Variants in GPLD1 observed in about 807,000 individuals in gnomAD.
GPLD1 encodes phosphatidylinositol-glycan-specific phospholipase D.
Under a neutral mutation model 112.6 loss-of-function variants are expected in GPLD1, and 84 were observed. The observed-to-expected ratio is 0.75, with a 90% confidence interval of 0.63 to 0.89. GPLD1 has a LOEUF of 0.89. Among genes scored for constraint, GPLD1 ranks in the 40% least tolerant of loss-of-function variants. GPLD1 has a pLI of 0.00. For missense variants in GPLD1, 1,044 were observed against 1,051.5 expected (o/e 0.99, Z 0.10); for synonymous variants, 386 against 403.8 (o/e 0.96, Z 0.53).
At chr6:24,445,685 T>C (rs775594757) in intron 19 of GPLD1, 41 bp downstream of exon 19, 132 of 1,600,512 alleles carry the variant, frequency 8.2e-5, no homozygotes, top group Non-Finnish European at 1.1e-4. Flanking sequence ...GAAAACTTCC[T>C]TGGAGTGTCC....
chr6:24,438,453 C>G (rs1762646812), intron 20 of GPLD1, among the ~76,000 whole-genome samples: 1 of 152,198 alleles, frequency 6.6e-6, no homozygotes, highest in Non-Finnish European at 1.5e-5. Context: ...AATCTCACGT[C>G]AGCGTCCACT....
Position 24,433,375 on chromosome 6 carries a change from C to T in GPLD1, c.2373G>A (p.Leu791=), listed in dbSNP as rs1319238731. 1 of 1,605,942 alleles carries T rather than the reference C, an allele frequency of 6.2e-7. No homozygotes were observed. The highest frequency in any genetic ancestry group is 8.5e-7 in the Non-Finnish European group (1 of 1,174,182). Residue 791 remains leucine, a synonymous_variant, in exon 23 of 25, where the codon TTG becomes TTA. Transcript: ENST00000230036. The part of the protein sequence containing the change: ...PCPEEKAQYV[L]ISPEASSRFG... The stretch of plus-strand genomic sequence containing the variant: ...AAGGGATACTTACTTCAGGAGAAAT[C>T]AATACATATTGGGCCTGAAGAAAAA...
chr6:24,438,506 G>A (rs6922631), intron 20 of GPLD1, among the ~76,000 whole-genome samples: 33,195 of 152,026 alleles, frequency 0.22, 3,840 homozygotes, highest in Non-Finnish European at 0.25. Context: ...CTGTTTTTTC[G>A]GACAAACTTG....
intron 24 of GPLD1, among the ~76,000 whole-genome samples, chr6:24,430,555 G>A (rs186809209): frequency 4.4e-4 from 67 of 152,214 alleles, no homozygotes; most frequent in African/African-American, 1.5e-3. Flanking sequence ...GCTGATGGAA[G>A]GCAGCCCCAT....
chr6:24,425,982 G>A lies in GPLD1; in HGVS notation c.*3050C>T, dbSNP rs772265508. 1.3e-5 allele frequency: 2 copies of A among 152,190 alleles called. No homozygotes were observed. Among genetic ancestry groups the A allele is most frequent in the Non-Finnish European group, 2.9e-5 (2 of 68,036 alleles). The allele number at this position is 152,190 out of a possible 1,614,324, so 9.4% of individuals were successfully genotyped here. ...AGAGGTGAGCTAATGGATGGTACAT[G>A]GAGTAGGGACTGCAGAGACCCTAGT... On this transcript the variant is annotated 3_prime_UTR_variant, in exon 25 of 25. Coordinates refer to ENST00000230036, the MANE Select transcript of GPLD1 (RefSeq NM_001503.4).
intron 24 of GPLD1, 130 bp from the exon 25 acceptor site, chr6:24,429,248 G>A: frequency 1.9e-6 from 1 of 523,258 alleles, no homozygotes; most frequent in South Asian, 3.8e-5. Context: ...CCCCTGGCTT[G>A]AACTCAAATG....
chr6:24,425,660 A>G (rs967998995), downstream of GPLD1: 4 of 152,354 alleles, frequency 2.6e-5, no homozygotes, highest in East Asian at 5.8e-4. Context: ...GAAAGTAGGT[A>G]CCAAACACTG....
Position 24,427,746 on chromosome 6 carries a change from T to C in GPLD1, c.*1286A>G, listed in dbSNP as rs1038148501. Among the ~76,000 whole-genome samples, 3 of 146,410 alleles carry C rather than the reference T, an allele frequency of 2.0e-5. No homozygotes were observed. Among genetic ancestry groups the C allele is most frequent in the African/African-American group, 5.1e-5 (2 of 39,266 alleles). On this transcript the variant is annotated 3_prime_UTR_variant, in exon 25 of 25. Coordinates refer to ENST00000230036, the MANE Select transcript of GPLD1 (RefSeq NM_001503.4). Reference sequence around the variant, plus strand: ...CTGTAGTCCCAGCTGCCTGGGAGGCTGAGACAGGAGAATCACTTGAACCTG... The same window carrying C: ...CTGTAGTCCCAGCTGCCTGGGAGGCCGAGACAGGAGAATCACTTGAACCTG...
In GPLD1 at chr6:24,446,706, A is replaced by G. The variant is rs1022212173; in HGVS notation, c.1820+132T>C. 11 of 799,310 alleles carry G rather than the reference A, an allele frequency of 1.4e-5. No individual in the cohort carries two copies. The African/African-American group carries it at 1.8e-4, about 13-fold the overall frequency. The allele number at this position is 799,310 out of a possible 1,614,324, so 49.5% of individuals were successfully genotyped here. On this transcript the variant is annotated intron_variant, in intron 18 of 24. Coordinates refer to ENST00000230036, the MANE Select transcript of GPLD1 (RefSeq NM_001503.4). ...AGGAGGAGAATTTGCAATCTTGCCC[A>G]GAGCCTTGGCTTTTCCTTCAAAAGT... is the stretch of plus-strand genomic sequence containing the variant.
At chr6:24,479,283 A>T (rs1309887448) in intron 3 of GPLD1, among the ~76,000 whole-genome samples, 2 of 152,204 alleles carry the variant, frequency 1.3e-5, no homozygotes, top group Non-Finnish European at 2.9e-5. Flanking sequence ...TAAGAGAGAG[A>T]GTGTTCCTGA....
intron 10 of GPLD1, among the ~76,000 whole-genome samples, chr6:24,464,112 CTTATG>C (rs1038758037): frequency 4.6e-5 from 7 of 152,252 alleles, no homozygotes; most frequent in East Asian, 3.9e-4. Flanking sequence ...CAAACATGCC[CTTATG>C]TTATGAGTCC....
At chr6:24,478,296 G>T (rs1764089430) in intron 3 of GPLD1, among the ~76,000 whole-genome samples, 2 of 152,182 alleles carry the variant, frequency 1.3e-5, no homozygotes, top group South Asian at 4.1e-4. Context: ...ATAGTTAACA[G>T]ACTAAGAGGG....
At position 24,427,697 on chromosome 6, in the gene GPLD1, T is replaced by C. The variant is rs954756314; in HGVS notation, c.*1335A>G. 6.6e-6 allele frequency among the ~76,000 whole-genome samples: 1 copy of C among 151,752 alleles called. No individual in the cohort carries two copies. The highest frequency in any genetic ancestry group is 1.5e-5 in the Non-Finnish European group (1 of 67,956). ...CCTGTCTCTACTAAAAATACAAAAATTAGCCGGGCGTAGTATTGTGCACCT... is the reference window on the plus strand; with the variant it reads ...CCTGTCTCTACTAAAAATACAAAAACTAGCCGGGCGTAGTATTGTGCACCT... On this transcript the variant is annotated 3_prime_UTR_variant, in exon 25 of 25. Coordinates refer to ENST00000230036, the MANE Select transcript of GPLD1 (RefSeq NM_001503.4).
At chr6:24,478,759 C>CTG (rs35765642) in intron 3 of GPLD1, among the ~76,000 whole-genome samples, 73,865 of 151,778 alleles carry the variant, frequency 0.49, 18,552 homozygotes, top group African/African-American at 0.59. Flanking sequence ...CTTCATGCAG[C>CTG]TCTCTCTCTC....
Position 24,426,843 on chromosome 6 carries a change from G to A in GPLD1, c.*2189C>T, listed in dbSNP as rs985177648. Among the ~76,000 whole-genome samples, 2 of 152,130 alleles carry A rather than the reference G, an allele frequency of 1.3e-5. No individual in the cohort carries two copies. Among genetic ancestry groups the A allele is most frequent in the African/African-American group, 2.4e-5 (1 of 41,428 alleles). ...TTGTCCCTAAACAAAACCAAATGGC[G>A]CTTCCTTGTGCTTTTGCTGTGCCAT... On this transcript the variant is annotated 3_prime_UTR_variant, in exon 25 of 25. Transcript: ENST00000230036.
At chr6:24,440,581 C>CAA (rs58480061) in intron 20 of GPLD1, among the ~76,000 whole-genome samples, 9,247 of 118,504 alleles carry the variant, frequency 0.078, 835 homozygotes, top group African/African-American at 0.21. Flanking sequence ...AAAAAATACT[C>CAA]AAAAAAAAAA....
At chr6:24,451,093 G>A (rs6938894) in intron 14 of GPLD1, among the ~76,000 whole-genome samples, 9,141 of 152,326 alleles carry the variant, frequency 0.06, 637 homozygotes, top group African/African-American at 0.17. Flanking sequence ...GGACAGCACA[G>A]CTACGGAACA....
chr6:24,491,347 T>A (rs1764554525), upstream of GPLD1, among the ~76,000 whole-genome samples: 1 of 152,188 alleles, frequency 6.6e-6, no homozygotes, highest in Non-Finnish European at 1.5e-5. Flanking sequence ...AAAAAAATAC[T>A]GCTAGAAAAG....
intron 20 of GPLD1, among the ~76,000 whole-genome samples, chr6:24,438,057 C>A (rs1762635998): frequency 6.6e-6 from 1 of 152,204 alleles, no homozygotes; most frequent in African/African-American, 2.4e-5. Flanking sequence ...GACCCCAGGA[C>A]CTCTGAGTTC....
Sources: allele counts gnomAD v4.1 joint callset (sites outside exome capture counted in the v4.1 genomes callset), GRCh38; gene constraint gnomAD v4.1.1; transcripts MANE v1.5; gene names NCBI Gene and HGNC (gene_info 2026-07-23, HGNC 2026-07-21).